VAPB: variants seen among roughly 807,000 people sequenced by gnomAD.
VAPB encodes VAMP associated protein B and C, also known as vesicle-associated membrane protein-associated protein B/C.
In VAPB, 7 loss-of-function variants were observed where a neutral mutation model predicts 25.6. That is an observed-to-expected ratio of 0.27 (90% CI 0.16 to 0.51). The LOEUF (loss-of-function observed/expected upper bound fraction) is 0.51. VAPB is among the 20% of genes least tolerant of loss of function. The pLI, the probability that VAPB is intolerant of heterozygous loss-of-function variation, is 0.97. For missense variants in VAPB, 266 were observed against 301.3 expected, an observed-to-expected ratio of 0.88 and a Z score of 0.87; for synonymous variants, 112 against 109.2, an observed-to-expected ratio of 1.03 and a Z score of -0.16.
rs936346375 is a variant in VAPB at position 58,440,948 on chromosome 20, A to G, written c.438A>G (p.Ser146=). Reference sequence around the variant, plus strand: ...ATAAAATTATATCCACAACTGCATCAAAGACAGAAACACCAATAGTGTCTA... The same window carrying G: ...ATAAAATTATATCCACAACTGCATCGAAGACAGAAACACCAATAGTGTCTA... ...EINKIISTTA[S]KTETPIVSKS... Residue 146 remains serine (S), a synonymous_variant, in exon 5 of 6, where the codon TCA becomes TCG. Coordinates refer to ENST00000475243, the MANE Select transcript of VAPB (RefSeq NM_004738.5). 5 of 1,613,972 alleles carry G rather than the reference A, an allele frequency of 3.1e-6. No individual in the cohort carries two copies. The African/African-American group carries it at 6.7e-5, about 22-fold the overall frequency.
At chr20:58,396,271 G>A (rs939452368) in intron 1 of VAPB, among the ~76,000 whole-genome samples, 1 of 152,104 alleles carries the variant, frequency 6.6e-6, no homozygotes, top group Middle Eastern at 3.4e-3. Flanking sequence ...GCTTTTGGGG[G>A]GTGTGTGTGT....
intron 1 of VAPB, among the ~76,000 whole-genome samples, chr20:58,393,794 G>T (rs574947566): frequency 1.3e-5 from 2 of 152,034 alleles, no homozygotes; most frequent in African/African-American, 4.8e-5. Context: ...GTGCAATGGC[G>T]CGATCTTGGC....
chr20:58,450,453 A>G lies in VAPB; in HGVS notation c.*6218A>G, dbSNP rs1230655700. 2 of 454,024 alleles carry G rather than the reference A, an allele frequency of 4.4e-6. No individual in the cohort carries two copies. The highest frequency in any genetic ancestry group is 3.1e-5 in the South Asian group (2 of 64,474). The allele number at this position is 454,024 out of a possible 1,614,324, so 28.1% of individuals were successfully genotyped here. A position where few individuals can be genotyped will look rare whatever the true frequency, so the allele number is the denominator to read the frequency against. Reference sequence around the variant, plus strand: ...TAAGTAAGGTGACTCAAGATGATACACCGAGAGAAAAATGCAAAATATATT... The same window carrying G: ...TAAGTAAGGTGACTCAAGATGATACGCCGAGAGAAAAATGCAAAATATATT... On this transcript the variant is annotated 3_prime_UTR_variant, in exon 6 of 6. Coordinates refer to ENST00000475243, the MANE Select transcript of VAPB (RefSeq NM_004738.5).
intron 5 of VAPB, among the ~76,000 whole-genome samples, chr20:58,443,426 G>A (rs1989205293): frequency 8.1e-6 from 1 of 123,454 alleles, no homozygotes; most frequent in African/African-American, 3.2e-5. Flanking sequence ...TTTTAATATG[G>A]AGTCTCACTC....
rs1568723933 is a variant in VAPB at position 58,446,829 on chromosome 20, AAG to A, written c.*2596_*2597del. 2.2e-6 allele frequency: 1 copy of A among 454,110 alleles called. No individual in the cohort carries two copies. Among genetic ancestry groups the A allele is most frequent in the East Asian group, 6.9e-5 (1 of 14,402 alleles). The allele number at this position is 454,110 out of a possible 1,614,324, so 28.1% of individuals were successfully genotyped here. A position where few individuals can be genotyped will look rare whatever the true frequency, so the allele number is the denominator to read the frequency against. ...CAGCCAAAAATGTGCCAGGAAAAGA[AAG>A]AATGTGGAGCACGCGTGGCTCCTGG... On this transcript the variant is annotated 3_prime_UTR_variant, in exon 6 of 6. Coordinates refer to ENST00000475243, the MANE Select transcript of VAPB (RefSeq NM_004738.5).
Position 58,389,489 on chromosome 20 carries a change from C to A in VAPB, c.30C>A (p.Leu10=). The change falls in exon 1 of 6, where the codon CTC becomes CTA. Residue 10 remains leucine (L), a synonymous_variant. Transcript: ENST00000475243. ...CGAAGGTGGAGCAGGTCCTGAGCCT[C>A]GAGCCGCAGCACGAGCTCAAATTCC... The part of the protein sequence containing the change: MAKVEQVLS[L]EPQHELKFRG... 2 of 1,594,018 alleles carry A rather than the reference C, an allele frequency of 1.3e-6. No individual in the cohort carries two copies. Among genetic ancestry groups the A allele is most frequent in the Non-Finnish European group, 8.5e-7 (1 of 1,171,534 alleles).
intron 1 of VAPB, among the ~76,000 whole-genome samples, chr20:58,405,358 A>G (rs1240489609): frequency 6.6e-6 from 1 of 152,218 alleles, no homozygotes; most frequent in East Asian, 1.9e-4. Context: ...GATGAGCTCA[A>G]AGAAGAGGGC....
chr20:58,436,217 G>T (rs6026273), intron 3 of VAPB, among the ~76,000 whole-genome samples: 23,960 of 151,540 alleles, frequency 0.16, 2,091 homozygotes, highest in East Asian at 0.31. Context: ...AATGTACATT[G>T]TGGGAAATTT....
Position 58,449,104 on chromosome 20 carries a change from G to A in VAPB, c.*4869G>A, listed in dbSNP as rs1319577580. 8 of 453,990 alleles carry A rather than the reference G, an allele frequency of 1.8e-5. No homozygotes were observed. The highest frequency in any genetic ancestry group is 2.4e-5 in the Admixed American group (1 of 42,552). The allele number at this position is 453,990 out of a possible 1,614,324, so 28.1% of individuals were successfully genotyped here. ...GTAATAGAAGCCCCTGATAAGGAGC[G>A]TCAGCCGACAGGCAAGCTTGGGAGG... is the stretch of plus-strand genomic sequence containing the variant. On this transcript the variant is annotated 3_prime_UTR_variant, in exon 6 of 6. Transcript: ENST00000475243.
chr20:58,414,910 G>A (rs1428481003), intron 1 of VAPB, among the ~76,000 whole-genome samples: 2 of 152,240 alleles, frequency 1.3e-5, no homozygotes, highest in South Asian at 2.1e-4. Flanking sequence ...CCGAGATCAC[G>A]CCACTGCACT....
chr20:58,434,895 T>A (rs1217318637), intron 3 of VAPB, among the ~76,000 whole-genome samples, 190 bp downstream of exon 3: 1 of 151,560 alleles, frequency 6.6e-6, no homozygotes, highest in Admixed American at 6.6e-5. Flanking sequence ...ATTTTAACAT[T>A]TTTTGTGACT....
chr20:58,447,280 G>A lies in VAPB; in HGVS notation c.*3045G>A, dbSNP rs1471525607. 1 of 453,978 alleles carries A rather than the reference G, an allele frequency of 2.2e-6. No homozygotes were observed. Among genetic ancestry groups the A allele is most frequent in the Non-Finnish European group, 4.4e-6 (1 of 226,796 alleles). 28.1% of individuals were successfully genotyped at this position (453,978 alleles called of 1,614,324 possible). ...ACAAAATACCTCTTAAAGACAGCAG[G>A]CTTTTTTATTTGTAGGTGTGAGGAA... is the stretch of plus-strand genomic sequence containing the variant. On this transcript the variant is annotated 3_prime_UTR_variant, in exon 6 of 6. Coordinates refer to ENST00000475243, the MANE Select transcript of VAPB (RefSeq NM_004738.5).
intron 2 of VAPB, among the ~76,000 whole-genome samples, chr20:58,420,275 G>A (rs55637163): frequency 0.035 from 5,318 of 152,254 alleles, 132 homozygotes; most frequent in Non-Finnish European, 0.053. Context: ...GTGAGCCACC[G>A]CGCCAGGCAT....
At chr20:58,390,399 A>G (rs1277033987) in intron 1 of VAPB, 1 of 133,282 alleles carries the variant, frequency 7.5e-6, no homozygotes. Context: ...TTTTTTTCCT[A>G]CCTTCACCAG....
chr20:58,408,890 A>AC lies in VAPB; in HGVS notation c.59-9309dup, dbSNP rs60297703. 3.8e-3 allele frequency among the ~76,000 whole-genome samples: 352 copies of AC among 91,900 alleles called. 13 individuals carry two copies. Among genetic ancestry groups the AC allele is most frequent in the Admixed American group, 4.5e-3 (35 of 7,748 alleles). 60.3% of individuals were successfully genotyped at this position (91,900 alleles called of 152,430 possible). ...GGATCTGGTGATGAATAGGACAGAC[A>AC]CCCCCCCCCCCCACCCCGCCCCCCA... On this transcript the variant is annotated intron_variant, in intron 1 of 5. Coordinates refer to ENST00000475243, the MANE Select transcript of VAPB (RefSeq NM_004738.5).
intron 1 of VAPB, among the ~76,000 whole-genome samples, chr20:58,405,742 CTTTTTTTTTTT>C (rs71181964): frequency 5.8e-4 from 25 of 43,468 alleles, no homozygotes; most frequent in African/African-American, 1.7e-3. Flanking sequence ...GGCCAGGAGC[CTTTTTTTTTTT>C]TTTTTTTTTT....
intron 1 of VAPB, among the ~76,000 whole-genome samples, chr20:58,398,924 T>TAAAAAATA (rs1988029014): frequency 6.6e-6 from 1 of 151,960 alleles, no homozygotes; most frequent in Non-Finnish European, 1.5e-5. Context: ...AGTGTGCCCT[T>TAAAAAATA]GGCTTTCTTA....
chr20:58,449,390 A>G lies in VAPB; in HGVS notation c.*5155A>G, dbSNP rs1372668717. The G allele has an allele frequency of 2.2e-6, 1 of 453,754 alleles. No homozygotes were observed. The highest frequency in any genetic ancestry group is 4.4e-6 in the Non-Finnish European group (1 of 226,746). 28.1% of individuals were successfully genotyped at this position (453,754 alleles called of 1,614,324 possible). ...AACAGTTATGGATGATAGTTAAAAGAGAAACGGGTGGAGGTGGATGAGAGG... is the reference window on the plus strand; with the variant it reads ...AACAGTTATGGATGATAGTTAAAAGGGAAACGGGTGGAGGTGGATGAGAGG... On this transcript the variant is annotated 3_prime_UTR_variant, in exon 6 of 6. Coordinates refer to ENST00000475243, the MANE Select transcript of VAPB (RefSeq NM_004738.5).
chr20:58,394,211 T>C (rs575168901), intron 1 of VAPB, among the ~76,000 whole-genome samples: 215 of 152,336 alleles, frequency 1.4e-3, no homozygotes, highest in South Asian at 2.9e-3. Flanking sequence ...TTGGACACTC[T>C]AAATGATAGT....
Sources: gnomAD v4.1 joint callset for allele counts (sites outside exome capture counted in the v4.1 genomes callset) on GRCh38, gnomAD v4.1.1 for gene constraint, MANE v1.5 for transcripts, NCBI Gene and HGNC (gene_info 2026-07-23, HGNC 2026-07-21) for gene names.